The following BMPR1A variants were observed in gnomAD, a reference collection of about 807,000 sequenced individuals.
BMPR1A encodes the protein bone morphogenetic protein receptor type 1A.
Under a neutral mutation model 66.0 loss-of-function variants are expected in BMPR1A, and 7 were observed. The observed-to-expected ratio is 0.11, with a 90% CI of 0.06 to 0.20. The LOEUF is 0.20. Among genes scored for constraint, BMPR1A ranks in the 10% least tolerant of loss-of-function variants. The pLI, the probability that BMPR1A is intolerant of heterozygous loss-of-function variation, is 1.00. For missense variants in BMPR1A, 408 were observed against 669.1 expected, an observed-to-expected ratio of 0.61 and a Z score of 4.31; for synonymous variants, 200 against 229.7, an observed-to-expected ratio of 0.87 and a Z score of 1.17.
At chr10:86,815,190 A>G (rs1842019415) in intron 1 of BMPR1A, among the ~76,000 whole-genome samples, 1 of 152,198 alleles carries the variant, frequency 6.6e-6, no homozygotes, top group African/African-American at 2.4e-5. Context: ...AAGAAAGCCT[A>G]GTGACTCAGG....
chr10:86,921,060 G>A (rs1361931547), intron 10 of BMPR1A, among the ~76,000 whole-genome samples: 1 of 151,844 alleles, frequency 6.6e-6, no homozygotes, highest in East Asian at 1.9e-4. Flanking sequence ...TACCATGTTG[G>A]CCAGGCTGAT....
rs139830896 is a variant in BMPR1A, at chr10:86,773,407, A to G, written c.-268+16488A>G. Among the ~76,000 whole-genome samples, 288 of 152,092 alleles carry G rather than the reference A, an allele frequency of 1.9e-3. 1 individual carries two copies. Among genetic ancestry groups the G allele is most frequent in the Non-Finnish European group, 3.8e-3 (257 of 67,956 alleles). ...AGTTTGAGACTAGCCTAGCTAACATATAGTGGAACCCTGTCTCTACTAAAA... is the reference window on the plus strand; with the variant it reads ...AGTTTGAGACTAGCCTAGCTAACATGTAGTGGAACCCTGTCTCTACTAAAA... On this transcript the variant is annotated intron_variant, in intron 1 of 12. Transcript: ENST00000372037.
At chr10:86,823,748 A>G (rs1842153951) in intron 1 of BMPR1A, among the ~76,000 whole-genome samples, 1 of 152,196 alleles carries the variant, frequency 6.6e-6, no homozygotes, top group Non-Finnish European at 1.5e-5. Context: ...CCATGGGGCC[A>G]TGACCAGCCA....
chr10:86,928,226 T>TA (rs969102246), downstream of BMPR1A: 3 of 150,134 alleles, frequency 2.0e-5, no homozygotes, highest in African/African-American at 7.4e-5. Context: ...TTTCCTTTTT[T>TA]TTTTTTTTTT....
At chr10:86,916,317 C>T (rs1429088235) in intron 8 of BMPR1A, among the ~76,000 whole-genome samples, 2 of 152,198 alleles carry the variant, frequency 1.3e-5, no homozygotes, top group Non-Finnish European at 2.9e-5. Flanking sequence ...TGTGAAGCAA[C>T]AAACATTATT....
intron 1 of BMPR1A, among the ~76,000 whole-genome samples, chr10:86,801,996 GA>G (rs1657228400): frequency 6.6e-6 from 1 of 152,076 alleles, no homozygotes; most frequent in Non-Finnish European, 1.5e-5. Context: ...TTACAGGTGT[GA>G]GCCACCGCCC....
intron 1 of BMPR1A, among the ~76,000 whole-genome samples, chr10:86,801,614 T>TA (rs887826336): frequency 3.3e-5 from 5 of 152,248 alleles, no homozygotes; most frequent in Non-Finnish European, 7.4e-5. Context: ...ACCATTCCCT[T>TA]AAAAAAAGTC....
At chr10:86,860,824 C>G (rs372606690) in intron 2 of BMPR1A, among the ~76,000 whole-genome samples, 9 of 149,880 alleles carry the variant, frequency 6.0e-5, no homozygotes, top group African/African-American at 2.2e-4. Context: ...ATGTCAAATC[C>G]ATTTCATGCC....
chr10:86,794,855 G>GTTT (rs528451566), intron 1 of BMPR1A, among the ~76,000 whole-genome samples: 1 of 144,640 alleles, frequency 6.9e-6, no homozygotes. Context: ...TATAGATATA[G>GTTT]TTTTTTTTTT....
downstream of BMPR1A, chr10:86,932,321 C>A (rs1843819726): frequency 6.6e-6 from 1 of 152,152 alleles, no homozygotes; most frequent in Non-Finnish European, 1.5e-5. Context: ...ATAGCAATGA[C>A]CAACAATACC....
At chr10:86,931,298 C>CACACACACATATATATAT, downstream of BMPR1A, 11 of 90,918 alleles carry the variant, frequency 1.2e-4, 2 homozygotes, top group East Asian at 9.0e-4. Flanking sequence ...CACACACACA[C>CACACACACATATATATAT]ATATATATAT....
chr10:86,882,723 G>A (rs918155231), intron 3 of BMPR1A, among the ~76,000 whole-genome samples: 2 of 150,810 alleles, frequency 1.3e-5, no homozygotes, highest in African/African-American at 4.9e-5. Context: ...CCAGCACATT[G>A]GGAGGCTGAG....
chr10:86,905,115 TC>T (rs997910139), intron 7 of BMPR1A, among the ~76,000 whole-genome samples: 29 of 152,252 alleles, frequency 1.9e-4, no homozygotes, highest in African/African-American at 6.5e-4. Flanking sequence ...TTCCCTTTTT[TC>T]TGATGTGATC....
chr10:86,787,835 A>G (rs908840245), intron 1 of BMPR1A, among the ~76,000 whole-genome samples: 2 of 152,142 alleles, frequency 1.3e-5, no homozygotes, highest in Non-Finnish European at 2.9e-5. Context: ...ACATGCTTCC[A>G]GATCTCTTGA....
At chr10:86,775,649 C>T (rs1001555553) in intron 1 of BMPR1A, among the ~76,000 whole-genome samples, 1 of 152,048 alleles carries the variant, frequency 6.6e-6, no homozygotes, top group Non-Finnish European at 1.5e-5. Flanking sequence ...AAAAGGCATT[C>T]CTCTAAAAAT....
At chr10:86,909,779 A>G (rs1843450090) in intron 7 of BMPR1A, among the ~76,000 whole-genome samples, 1 of 152,140 alleles carries the variant, frequency 6.6e-6, no homozygotes, top group Non-Finnish European at 1.5e-5. Flanking sequence ...GCTTGATAAA[A>G]TTAAATATTA....
intron 1 of BMPR1A, among the ~76,000 whole-genome samples, chr10:86,798,466 G>A (rs4934263): frequency 0.53 from 80,308 of 151,970 alleles, 23,317 homozygotes; most frequent in East Asian, 0.76. Context: ...AAATCCTGAT[G>A]AGGGTTTTAC....
intron 2 of BMPR1A, among the ~76,000 whole-genome samples, chr10:86,861,002 C>T (rs12218889): frequency 3.3e-5 from 5 of 151,588 alleles, no homozygotes; most frequent in South Asian, 2.1e-4. Flanking sequence ...CCACCACGCC[C>T]GGCTAATGTT....
At chr10:86,821,220 C>A (rs1056980622) in intron 1 of BMPR1A, among the ~76,000 whole-genome samples, 1 of 152,106 alleles carries the variant, frequency 6.6e-6, no homozygotes, top group Non-Finnish European at 1.5e-5. Flanking sequence ...TGCAGTGTGA[C>A]CTGAAGGAAG....
Sources: gnomAD v4.1 joint callset for allele counts (sites outside exome capture counted in the v4.1 genomes callset) on GRCh38, gnomAD v4.1.1 for gene constraint, MANE v1.5 for transcripts, NCBI Gene and HGNC (gene_info 2026-07-23, HGNC 2026-07-21) for gene names.